MET: variants seen among roughly 807,000 people sequenced by gnomAD.
The protein encoded by MET is hepatocyte growth factor receptor.
MET carries 48 observed loss-of-function variants against 133.1 expected under a neutral mutation model. The ratio of observed to expected loss-of-function variants is 0.36; its 90% CI spans 0.29 to 0.46. The LOEUF is 0.46. Among genes scored for constraint, MET ranks in the 20% least tolerant of loss-of-function variants. The pLI, the probability that MET is intolerant of heterozygous loss-of-function variation, is 1.00. For synonymous variants in MET, 628 were observed against 616.5 expected (o/e 1.02, Z -0.28); for missense variants, 1,442 against 1,695.9 (o/e 0.85, Z 2.63).
At chr7:116,732,922 A>G (rs1282698340) in intron 3 of MET, among the ~76,000 whole-genome samples, 1 of 152,204 alleles carries the variant, frequency 6.6e-6, no homozygotes, top group Non-Finnish European at 1.5e-5. Flanking sequence ...AACCATGTAA[A>G]TAAAACCTTC....
chr7:116,703,513 T>C (rs1791655206), intron 2 of MET, among the ~76,000 whole-genome samples: 1 of 152,116 alleles, frequency 6.6e-6, no homozygotes, highest in Admixed American at 6.6e-5. Flanking sequence ...TCCCATAATA[T>C]GGATGGAACC....
At position 116,783,481 on chromosome 7, in the gene MET, G is replaced by C. The variant is rs1001362196; in HGVS notation, c.3798+12G>C. 9 of 1,613,916 alleles carry C rather than the reference G, an allele frequency of 5.6e-6. No homozygotes were observed. Among genetic ancestry groups the C allele is most frequent in the Non-Finnish European group, 6.8e-6 (8 of 1,179,954 alleles). On this transcript the variant is annotated intron_variant, in intron 19 of 20. Coordinates refer to ENST00000397752, the MANE Select transcript of MET (RefSeq NM_000245.4). ...CCAAGTCAGATGTGGTAATGTATTGGTTATCTCTGAGTTTCTCCTCTTTTA... is the reference window on the plus strand; with the variant it reads ...CCAAGTCAGATGTGGTAATGTATTGCTTATCTCTGAGTTTCTCCTCTTTTA...
chr7:116,760,361 G>T (rs1462107934), intron 10 of MET, among the ~76,000 whole-genome samples: 1 of 152,130 alleles, frequency 6.6e-6, no homozygotes, highest in East Asian at 1.9e-4. Context: ...AAGTGTGAAT[G>T]TTATTTGCTG....
chr7:116,780,004 G>A (rs1308600899), intron 17 of MET, among the ~76,000 whole-genome samples: 2 of 152,196 alleles, frequency 1.3e-5, no homozygotes, highest in African/African-American at 4.8e-5. Flanking sequence ...CATTAGAATG[G>A]AAGCTCATGA....
At chr7:116,698,807 A>T (rs1422278455) in intron 1 of MET, among the ~76,000 whole-genome samples, 1 of 152,218 alleles carries the variant, frequency 6.6e-6, no homozygotes, top group Non-Finnish European at 1.5e-5. Flanking sequence ...TTACTGTATC[A>T]ACCTTAATAC....
In MET at chr7:116,797,750, C is replaced by A. The variant is rs1795719607; in HGVS notation, c.*1626C>A. ...TTAATGACAGCATGATTTTCAATGA[C>A]TGTAAATTGCGATAAGGAAATGTAC... is the stretch of plus-strand genomic sequence containing the variant. On this transcript the variant is annotated 3_prime_UTR_variant, in exon 21 of 21. Transcript: ENST00000397752. 1 of 227,796 alleles carries A rather than the reference C, an allele frequency of 4.4e-6. No individual in the cohort carries two copies. The highest frequency in any genetic ancestry group is 1.8e-4 in the South Asian group (1 of 5,476). The allele number at this position is 227,796 out of a possible 1,614,324, so 14.1% of individuals were successfully genotyped here. A position where few individuals can be genotyped will look rare whatever the true frequency, so the allele number is the denominator to read the frequency against.
chr7:116,707,202 C>A (rs891641030), intron 2 of MET, among the ~76,000 whole-genome samples: 6 of 151,862 alleles, frequency 4.0e-5, no homozygotes, highest in African/African-American at 1.5e-4. Context: ...CAATTGCATG[C>A]TAATTTAGAC....
At chr7:116,792,954 ACT>A (rs2117097709) in intron 19 of MET, among the ~76,000 whole-genome samples, 1 of 152,322 alleles carries the variant, frequency 6.6e-6, no homozygotes, top group South Asian at 2.1e-4. Context: ...TGACAAATAC[ACT>A]CTTTCACTAC....
chr7:116,746,693 C>A (rs558677066), intron 5 of MET, among the ~76,000 whole-genome samples: 1 of 151,280 alleles, frequency 6.6e-6, no homozygotes, highest in South Asian at 2.1e-4. Flanking sequence ...AAAAACCAAA[C>A]ACCGCATGTT....
At chr7:116,763,002 T>C in intron 10 of MET, 48 bp from the exon 11 acceptor site, 1 of 1,498,182 alleles carries the variant, frequency 6.7e-7, no homozygotes, top group Non-Finnish European at 9.3e-7. Flanking sequence ...GCTATGGATG[T>C]TGCCAAGCTG....
intron 2 of MET, among the ~76,000 whole-genome samples, chr7:116,730,613 G>A (rs949154878): frequency 6.6e-6 from 1 of 152,132 alleles, no homozygotes; most frequent in Non-Finnish European, 1.5e-5. Context: ...AAGACTGGAT[G>A]GGTCTAGGAG....
intron 1 of MET, among the ~76,000 whole-genome samples, chr7:116,675,768 ATTTCT>A (rs1371350150): frequency 7.1e-6 from 1 of 141,048 alleles, no homozygotes; most frequent in African/African-American, 2.7e-5. Context: ...TTTTTTTTTA[ATTTCT>A]TTTCTTTTCT....
At chr7:116,707,804 T>C (rs1791855998) in intron 2 of MET, among the ~76,000 whole-genome samples, 1 of 152,146 alleles carries the variant, frequency 6.6e-6, no homozygotes, top group Non-Finnish European at 1.5e-5. Context: ...AACTAATATC[T>C]CTAAAAAATA....
intron 5 of MET, among the ~76,000 whole-genome samples, chr7:116,748,677 T>G (rs1013933649): frequency 6.6e-6 from 1 of 151,936 alleles, no homozygotes; most frequent in Admixed American, 6.6e-5. Flanking sequence ...GCTGGTTTTT[T>G]GAAAAGATCA....
rs774038166 is a variant in MET at position 116,699,429 on chromosome 7, C to G, written c.345C>G (p.Asn115Lys). The G allele has an allele frequency of 3.1e-6, 5 of 1,614,042 alleles. No homozygotes were observed. Among genetic ancestry groups the G allele is most frequent in the Non-Finnish European group, 4.2e-6 (5 of 1,179,952 alleles). ...ANLSGGVWKD[N>K]INMALVVDTY... is the part of the protein sequence containing the mutation. ...TATCAGGAGGTGTTTGGAAAGATAA[C>G]ATCAACATGGCTCTAGTTGTCGACA... is the stretch of plus-strand genomic sequence containing the variant. The change falls in exon 2 of 21, where the codon AAC becomes AAG. Residue 115 changes from asparagine (N) to lysine (K), a missense_variant. Around this residue, in one of 6 missense-constraint regions of MET, gnomAD observed 762 missense variants for 792.4 expected, o/e 0.96. Transcript: ENST00000397752.
Position 116,796,641 on chromosome 7 carries a change from T to C in MET, c.*517T>C. ...TAGGTAAACATTCCCTTTTAAATGT[T>C]TGTTTGTTTTTTGAGACAGGATCTC... On this transcript the variant is annotated 3_prime_UTR_variant, in exon 21 of 21. Coordinates refer to ENST00000397752, the MANE Select transcript of MET (RefSeq NM_000245.4). 1 of 267,808 alleles carries C rather than the reference T, an allele frequency of 3.7e-6. No individual in the cohort carries two copies. Among genetic ancestry groups the C allele is most frequent in the Non-Finnish European group, 7.2e-6 (1 of 138,296 alleles). 16.6% of individuals were successfully genotyped at this position (267,808 alleles called of 1,614,324 possible). A position where few individuals can be genotyped will look rare whatever the true frequency, so the allele number is the denominator to read the frequency against.
chr7:116,739,358 T>G (rs1793356194), intron 3 of MET, among the ~76,000 whole-genome samples: 1 of 152,198 alleles, frequency 6.6e-6, no homozygotes, highest in Non-Finnish European at 1.5e-5. Flanking sequence ...AAGCAGAGTT[T>G]TATAATCCAA....
intron 3 of MET, among the ~76,000 whole-genome samples, chr7:116,738,121 T>G (rs1793294721): frequency 2.6e-5 from 4 of 152,234 alleles, no homozygotes; most frequent in Admixed American, 2.6e-4. Flanking sequence ...AGACTGGTGT[T>G]CTGTGTTGCT....
Position 116,731,570 on chromosome 7 carries a change from C to CATT in MET, c.1201-95_1201-93dup, listed in dbSNP as rs1202957409. 3.2e-6 allele frequency: 4 copies of CATT among 1,234,848 alleles called. No individual in the cohort carries two copies. In the African/African-American group the frequency reaches 4.4e-5, roughly 14 times the overall value. 76.5% of individuals were successfully genotyped at this position (1,234,848 alleles called of 1,614,324 possible). On this transcript the variant is annotated intron_variant, in intron 2 of 20. Coordinates refer to ENST00000397752, the MANE Select transcript of MET (RefSeq NM_000245.4). ...TGTCTATTTGCATGATTATCCTTGC[C>CATT]ATTATCCTCCAGGCTCTGAAAATAC...
Sources: allele counts gnomAD v4.1 joint callset (sites outside exome capture counted in the v4.1 genomes callset), GRCh38; gene constraint gnomAD v4.1.1; regional missense constraint gnomAD v4.1.1; transcripts MANE v1.5; gene names NCBI Gene and HGNC (gene_info 2026-07-23, HGNC 2026-07-21).